HDAC7: variants seen among roughly 807,000 people sequenced by gnomAD.
HDAC7 encodes histone deacetylase 7A.
Under a neutral mutation model 115.5 loss-of-function variants are expected in HDAC7, and 26 were observed. That is an observed-to-expected ratio of 0.23 (90% CI 0.16 to 0.31). The LOEUF is 0.31. Ranked by LOEUF, HDAC7 falls within the 10% of genes least tolerant of loss-of-function variation. The pLI, the probability that HDAC7 is intolerant of heterozygous loss-of-function variation, is 1.00. For missense variants in HDAC7, 1,068 were observed against 1,329.0 expected (o/e 0.80, Z 3.05); for synonymous variants, 564 against 550.9 (o/e 1.02, Z -0.33).
At chr12:47,790,764 A>C in intron 16 of HDAC7, 1 of 182,046 alleles carries the variant, frequency 5.5e-6, no homozygotes, top group Admixed American at 5.5e-5. Flanking sequence ...TTAGGAAGCA[A>C]AGCTCGCGAG....
At chr12:47,812,941 CT>C (rs1466028037) in intron 1 of HDAC7, 1 of 152,268 alleles carries the variant, frequency 6.6e-6, no homozygotes, top group African/African-American at 2.4e-5. Context: ...TCCTTCAGCG[CT>C]GGAATCTGGG....
At chr12:47,784,718 G>A in intron 24 of HDAC7, 2 of 1,535,480 alleles carry the variant, frequency 1.3e-6, no homozygotes, top group Non-Finnish European at 1.7e-6. Context: ...GCTCTGCATG[G>A]GTGCCCAGGC....
Position 47,797,520 on chromosome 12 carries a change from C to A in HDAC7, c.462-21G>T. The A allele has an allele frequency of 1.3e-6, 2 of 1,579,296 alleles. No individual in the cohort carries two copies. Among genetic ancestry groups the A allele is most frequent in the South Asian group, 1.1e-5 (1 of 87,368 alleles). On this transcript the variant is annotated intron_variant, in intron 5 of 25. Transcript: ENST00000080059. The surrounding 1 kb of genome is among the most constrained non-coding windows in gnomAD (Gnocchi z 5.5). ...GGGTTCTACAGAACGAGTGCCAAGGCTGCTTCAGAGGTGTGGGGACACTGC... is the reference window on the plus strand; with the variant it reads ...GGGTTCTACAGAACGAGTGCCAAGGATGCTTCAGAGGTGTGGGGACACTGC...
chr12:47,787,606 T>C (rs1000171655), intron 21 of HDAC7, 106 bp downstream of exon 21: 44 of 707,138 alleles, frequency 6.2e-5, no homozygotes, highest in Non-Finnish European at 9.5e-5. Flanking sequence ...GTCTAGGAAC[T>C]GGTGGGGACA....
chr12:47,789,485 C>A (rs1943364727), intron 18 of HDAC7, 38 bp downstream of exon 18: 2 of 1,609,948 alleles, frequency 1.2e-6, no homozygotes, highest in South Asian at 1.1e-5. Flanking sequence ...GGGGCTTGCC[C>A]CCCACCTCAT....
At chr12:47,814,625 C>G (rs1366610614) in intron 1 of HDAC7, among the ~76,000 whole-genome samples, 1 of 152,248 alleles carries the variant, frequency 6.6e-6, no homozygotes, top group Non-Finnish European at 1.5e-5. Flanking sequence ...CTGCTCTCCC[C>G]TCTGCCAACC....
chr12:47,791,233 C>T (rs2136937350), intron 16 of HDAC7, 26 bp downstream of exon 16: 1 of 1,581,928 alleles, frequency 6.3e-7, no homozygotes, highest in South Asian at 1.2e-5. Context: ...TGGCAACGCC[C>T]CCCTGAGACC....
At position 47,799,228 on chromosome 12, in the gene HDAC7, A is replaced by G. The variant is rs1384191244; in HGVS notation, c.71-256T>C. The G allele has an allele frequency of 9.6e-6, 4 of 418,024 alleles. No homozygotes were observed. In the East Asian group the frequency reaches 1.5e-4, roughly 16 times the overall value. The allele number at this position is 418,024 out of a possible 1,614,324, so 25.9% of individuals were successfully genotyped here. On this transcript the variant is annotated intron_variant, in intron 2 of 25. Coordinates refer to ENST00000080059, the MANE Select transcript of HDAC7 (RefSeq NM_015401.5). ...GGTGGTGTTTGAACGGAGTCTTCCG[A>G]CTCCACCACAGTGCTCCTCCACTAA...
At chr12:47,796,777 G>C (rs1232056393) in intron 7 of HDAC7, among the ~76,000 whole-genome samples, 2 of 152,224 alleles carry the variant, frequency 1.3e-5, no homozygotes, top group Non-Finnish European at 2.9e-5. Flanking sequence ...TTGGCCTACA[G>C]CACCTTTGCA....
At chr12:47,790,048 C>A in intron 16 of HDAC7, 128 bp from the exon 17 acceptor site, 1 of 674,028 alleles carries the variant, frequency 1.5e-6, no homozygotes, top group South Asian at 1.6e-5. Context: ...TGCTGCCTCC[C>A]CAGTGCCCCA....
At chr12:47,811,677 G>A (rs973016065) in intron 1 of HDAC7, among the ~76,000 whole-genome samples, 3 of 152,156 alleles carry the variant, frequency 2.0e-5, no homozygotes, top group Non-Finnish European at 4.4e-5. Context: ...GCATATATAC[G>A]TACATAGACA....
intron 1 of HDAC7, among the ~76,000 whole-genome samples, chr12:47,807,434 C>T (rs972886853): frequency 3.3e-5 from 5 of 152,120 alleles, no homozygotes; most frequent in Non-Finnish European, 7.4e-5. Context: ...TAAATGAGTA[C>T]GCTGAGGCCC....
intron 1 of HDAC7, among the ~76,000 whole-genome samples, chr12:47,802,780 A>G (rs930595498): frequency 2.6e-5 from 4 of 151,964 alleles, no homozygotes; most frequent in African/African-American, 4.8e-5. Flanking sequence ...CCCAGGTGGG[A>G]GTGAAAGGAG....
Position 47,785,449 on chromosome 12 carries a change from C to G in HDAC7, c.2729G>C (p.Gly910Ala), listed in dbSNP as rs1481629001. 1.2e-6 allele frequency: 2 copies of G among 1,613,032 alleles called. No individual in the cohort carries two copies. Among genetic ancestry groups the G allele is most frequent in the Non-Finnish European group, 1.7e-6 (2 of 1,179,536 alleles). ...ATTGAGGTTGGGTTTCTGTTTCCAG[C>G]CTTCTTCTGAAAGGGGATCCACCTA... The part of the protein sequence containing the change: ...GNRVDPLSEE[G>A]WKQKPNLNAI... Residue 910 changes from glycine (G) to alanine (A), a missense_variant, in exon 24 of 26, where the codon GGC becomes GCC. Gly to Ala is a moderately conservative substitution (Grantham distance 60). This residue lies in a region of HDAC7 where 98 missense variants were observed against 123.9 expected (regional missense o/e 0.79). Coordinates refer to ENST00000080059, the MANE Select transcript of HDAC7 (RefSeq NM_015401.5).
chr12:47,789,656 A>G (rs1382779107), intron 17 of HDAC7, 78 bp from the exon 18 acceptor site: 7 of 1,529,722 alleles, frequency 4.6e-6, no homozygotes, highest in Admixed American at 3.4e-5. Flanking sequence ...AAGAGTTCCA[A>G]TCTCAACCTG....
intron 1 of HDAC7, among the ~76,000 whole-genome samples, chr12:47,813,689 C>T (rs1033629154): frequency 6.6e-6 from 1 of 152,140 alleles, no homozygotes; most frequent in African/African-American, 2.4e-5. Context: ...AGGAGAAGTC[C>T]CCTCCCCATC....
In HDAC7 at chr12:47,791,892, C is replaced by T; in HGVS notation, c.1791G>A (p.Arg597=). 1 of 1,611,392 alleles carries T rather than the reference C, an allele frequency of 6.2e-7. No individual in the cohort carries two copies. The highest frequency in any genetic ancestry group is 2.2e-5 in the East Asian group (1 of 44,790). The stretch of plus-strand genomic sequence containing the variant: ...TCACCTCACACTGGCTCCGGAGCCC[C>T]CGCTCCTGCAGCCGGGACCAGATGC... ...IQSIWSRLQE[R]GLRSQCECLR... is the part of the protein sequence containing the mutation. Residue 597 remains arginine, a synonymous_variant, in exon 14 of 26, where the codon CGG becomes CGA. Coordinates refer to ENST00000080059, the MANE Select transcript of HDAC7 (RefSeq NM_015401.5).
chr12:47,807,067 G>A (rs940190963), intron 1 of HDAC7, among the ~76,000 whole-genome samples: 5 of 152,064 alleles, frequency 3.3e-5, no homozygotes, highest in Admixed American at 2.0e-4. Context: ...AGCCTCCCAA[G>A]TAGCTGGGAC....
intron 16 of HDAC7, 68 bp downstream of exon 16, chr12:47,791,191 G>T: frequency 7.0e-7 from 1 of 1,423,608 alleles, no homozygotes; most frequent in Non-Finnish European, 9.7e-7. Context: ...GGCTGGGCCT[G>T]GGAGAACCAC....
Sources: gnomAD v4.1 joint callset for allele counts (sites outside exome capture counted in the v4.1 genomes callset) on GRCh38, gnomAD v4.1.1 for gene constraint, gnomAD v4.1.1 regional missense constraint, Gnocchi (gnomAD v3.1) non-coding constraint, MANE v1.5 for transcripts, NCBI Gene and HGNC (gene_info 2026-07-23, HGNC 2026-07-21) for gene names.